SOAT2: variants seen among roughly 807,000 people sequenced by gnomAD.
The protein encoded by SOAT2 is ACAT-2.
Under a neutral mutation model 76.0 loss-of-function variants are expected in SOAT2, and 87 were observed. The ratio of observed to expected loss-of-function variants is 1.14; its 90% confidence interval spans 0.96 to 1.37. The LOEUF is 1.37. Ranked by LOEUF, SOAT2 falls within the 40% of genes most tolerant of loss-of-function variation. The pLI, the probability that SOAT2 is intolerant of heterozygous loss-of-function variation, is 0.00. For synonymous variants in SOAT2, 285 were observed against 275.4 expected (o/e 1.03, Z -0.34); for missense variants, 686 against 682.1 (o/e 1.01, Z -0.06).
intron 6 of SOAT2, 60 bp downstream of exon 6, chr12:53,115,714 G>C (rs537730364): frequency 3.9e-5 from 57 of 1,448,102 alleles, no homozygotes; most frequent in Admixed American, 1.4e-4. Context: ...CATCTCAGCA[G>C]AGGGGGAGTC....
intron 5 of SOAT2, among the ~76,000 whole-genome samples, chr12:53,106,345 T>C (rs1245044759): frequency 6.6e-6 from 1 of 152,198 alleles, no homozygotes; most frequent in African/African-American, 2.4e-5. Context: ...TCAAGTAACC[T>C]CCATTGAGCA....
chr12:53,122,970 C>T (rs1938216475), intron 12 of SOAT2, 111 bp from the exon 13 acceptor site: 3 of 1,241,508 alleles, frequency 2.4e-6, no homozygotes, highest in Non-Finnish European at 3.2e-6. Context: ...GGCTGACCCC[C>T]CCACCTCCCT....
intron 7 of SOAT2, among the ~76,000 whole-genome samples, chr12:53,118,131 AT>A (rs1442550311): frequency 4.6e-5 from 7 of 152,062 alleles, no homozygotes; most frequent in African/African-American, 1.7e-4. Context: ...GGTGCCTGAA[AT>A]GACAGCAGAA....
In SOAT2 at chr12:53,118,870, T is replaced by G; in HGVS notation, c.864-20T>G. ...CAACATGAAAGAATGAGAAACATATTGTCCCCATTGCCGCTGCAGGACGCC... is the reference window on the plus strand; with the variant it reads ...CAACATGAAAGAATGAGAAACATATGGTCCCCATTGCCGCTGCAGGACGCC... On this transcript the variant is annotated intron_variant, in intron 8 of 14. Coordinates refer to ENST00000301466, the MANE Select transcript of SOAT2 (RefSeq NM_003578.4). The G allele has an allele frequency of 6.2e-7, 1 of 1,613,632 alleles. No homozygotes were observed. Among genetic ancestry groups the G allele is most frequent in the Non-Finnish European group, 8.5e-7 (1 of 1,179,748 alleles).
chr12:53,120,444 G>A (rs1938173343), intron 10 of SOAT2, among the ~76,000 whole-genome samples: 1 of 151,982 alleles, frequency 6.6e-6, no homozygotes, highest in South Asian at 2.1e-4. Context: ...ACTCCAGACT[G>A]GGAGAGAGAG....
chr12:53,118,952 G>A lies in SOAT2; in HGVS notation c.909+17G>A. On this transcript the variant is annotated intron_variant, in intron 9 of 14. Transcript: ENST00000301466. ...TTTGCCCAGGTGAGAAGATAGGGTA[G>A]AAGGGTGGACCTGTGACTCATGGTG... The A allele has an allele frequency of 6.2e-7, 1 of 1,614,068 alleles. No individual in the cohort carries two copies. The highest frequency in any genetic ancestry group is 8.5e-7 in the Non-Finnish European group (1 of 1,179,930).
chr12:53,121,328 C>T lies in SOAT2; in HGVS notation c.1163C>T (p.Ser388Phe). The change falls in exon 12 of 15, where the codon TCC becomes TTC. Residue 388 changes from serine to phenylalanine, a missense_variant. Physicochemically the swap from Ser to Phe is radical, Grantham distance 155. Coordinates refer to ENST00000301466, the MANE Select transcript of SOAT2 (RefSeq NM_003578.4). The part of the protein sequence containing the change: ...YRDWWNSTSF[S>F]NYYRTWNVVV... ...GACTGGTGGAACTCAACGTCCTTCT[C>T]CAACTACTACCGCACTTGGAACGTG... is the stretch of plus-strand genomic sequence containing the variant. 6.2e-7 allele frequency: 1 copy of T among 1,614,168 alleles called. No individual in the cohort carries two copies. The highest frequency in any genetic ancestry group is 8.5e-7 in the Non-Finnish European group (1 of 1,180,022).
At chr12:53,117,310 G>A (rs1340777538) in intron 7 of SOAT2, among the ~76,000 whole-genome samples, 1 of 125,290 alleles carries the variant, frequency 8.0e-6, no homozygotes, top group Non-Finnish European at 1.6e-5. Flanking sequence ...TTGCTATGTT[G>A]CCCAGGCTGG....
At position 53,115,683 on chromosome 12, in the gene SOAT2, G is replaced by T. The variant is rs892337306; in HGVS notation, c.708+29G>T. On this transcript the variant is annotated intron_variant, in intron 6 of 14. Coordinates refer to ENST00000301466, the MANE Select transcript of SOAT2 (RefSeq NM_003578.4). ...AGGGCCGAGCCCTGCTGACGGACAGGAAGGAACCAGCTGGTGGGGCCATCT... is the reference window on the plus strand; with the variant it reads ...AGGGCCGAGCCCTGCTGACGGACAGTAAGGAACCAGCTGGTGGGGCCATCT... 13 of 1,484,976 alleles carry T rather than the reference G, an allele frequency of 8.8e-6. No individual in the cohort carries two copies. The African/African-American group carries it at 1.4e-4, about 16-fold the overall frequency. 92.0% of individuals were successfully genotyped at this position (1,484,976 alleles called of 1,614,324 possible).
chr12:53,104,518 C>T (rs1360334982), intron 2 of SOAT2, among the ~76,000 whole-genome samples: 1 of 151,988 alleles, frequency 6.6e-6, no homozygotes, highest in Non-Finnish European at 1.5e-5. Context: ...AAGTGATCTA[C>T]CCGCCTCGGC....
intron 2 of SOAT2, among the ~76,000 whole-genome samples, chr12:53,104,760 G>A (rs1459808948): frequency 1.3e-5 from 2 of 152,146 alleles, no homozygotes; most frequent in African/African-American, 4.8e-5. Context: ...GACCCAGGGA[G>A]GGGAAGCCTT....
At chr12:53,121,240 G>C in intron 11 of SOAT2, 63 bp from the exon 12 acceptor site, 1 of 1,192,444 alleles carries the variant, frequency 8.4e-7, no homozygotes, top group Non-Finnish European at 1.3e-6. Context: ...GAGCAGTGGG[G>C]AGGAGCCGGA....
chr12:53,117,852 G>T (rs554939840), intron 7 of SOAT2, among the ~76,000 whole-genome samples: 50 of 152,280 alleles, frequency 3.3e-4, no homozygotes, highest in Admixed American at 1.4e-3. Context: ...ATAATAATAA[G>T]AAGAAAGAAA....
chr12:53,116,115 A>T lies in SOAT2; in HGVS notation c.727A>T (p.Ser243Cys), dbSNP rs200604512. 13 of 1,614,156 alleles carry T rather than the reference A, an allele frequency of 8.1e-6. No homozygotes were observed. In the East Asian group the frequency reaches 2.0e-4, roughly 25 times the overall value. Residue 243 changes from serine (S) to cysteine (C), a missense_variant, in exon 7 of 15, where the codon AGC becomes TGC. Ser to Cys is a moderately radical substitution (Grantham distance 112, BLOSUM62 -1). Transcript: ENST00000301466. ...VFEQVRFLMK[S>C]YSFLREAVPG... ...GCCACAGGTTAGGTTCCTGATGAAA[A>T]GCTACTCCTTCCTGAGAGAGGCTGT...
In SOAT2 at chr12:53,114,230, C is replaced by A. The variant is rs544384215; in HGVS notation, c.444-1160C>A. Among the ~76,000 whole-genome samples the A allele has an allele frequency of 2.0e-5, 3 of 151,974 alleles. No homozygotes were observed. In the East Asian group the frequency reaches 5.8e-4, roughly 29 times the overall value. ...ATCCACAGGCTCAGCAACAGCACTG[C>A]CTTTTGGTAAAATTTTTGTTGTTAG... On this transcript the variant is annotated intron_variant, in intron 5 of 14. Transcript: ENST00000301466.
In SOAT2 at chr12:53,103,651, G is replaced by T; in HGVS notation, c.74G>T (p.Cys25Phe). ...GGAGGGGAGCGGGAGCGCCAACCCT[G>T]TGGAGATGGTGAGCCGCCCTCGGGG... ...GLGGERERQP[C>F]GDGNTETHRA... The change falls in exon 1 of 15, where the codon TGT (cysteine) becomes TTT (phenylalanine). Residue 25 changes from cysteine (C) to phenylalanine (F), a missense_variant. Coordinates refer to ENST00000301466, the MANE Select transcript of SOAT2 (RefSeq NM_003578.4). 1.6e-5 allele frequency: 24 copies of T among 1,533,126 alleles called. No homozygotes were observed. Among genetic ancestry groups the T allele is most frequent in the Non-Finnish European group, 2.1e-5 (24 of 1,141,516 alleles). The allele number at this position is 1,533,126 out of a possible 1,614,324, so 95.0% of individuals were successfully genotyped here.
At chr12:53,107,622 C>CTTTTTTTTTTTTTTTTTTTTTTTTTT (rs1303838303) in intron 5 of SOAT2, among the ~76,000 whole-genome samples, 2 of 117,036 alleles carry the variant, frequency 1.7e-5, no homozygotes, top group African/African-American at 7.4e-5. Context: ...AACAGATGTA[C>CTTTTTTTTTTTTTTTTTTTTTTTTTT]TTTTTTTTTT....
intron 7 of SOAT2, among the ~76,000 whole-genome samples, chr12:53,117,276 T>TTTC (rs1555165148): frequency 6.6e-4 from 98 of 148,782 alleles, no homozygotes; most frequent in African/African-American, 2.3e-3. Context: ...TTTTTTTTTT[T>TTTC]TTTTTTTTTT....
Position 53,121,275 on chromosome 12 carries a change from T to TC in SOAT2, c.1138-23dup, listed in dbSNP as rs769266289. ...AACCCAGATGCTTGCTTACCTCCTT[T>TC]CCCCCACTCTGACCCCACCTTCTCC... On this transcript the variant is annotated intron_variant, in intron 11 of 14. Transcript: ENST00000301466. 10 of 1,540,662 alleles carry TC rather than the reference T, an allele frequency of 6.5e-6. No individual in the cohort carries two copies. In the East Asian group the frequency reaches 2.2e-4, roughly 35 times the overall value.
Sources: gnomAD v4.1 joint callset for allele counts (sites outside exome capture counted in the v4.1 genomes callset) on GRCh38, gnomAD v4.1.1 for gene constraint, MANE v1.5 for transcripts, NCBI Gene and HGNC (gene_info 2026-07-23, HGNC 2026-07-21) for gene names.